Variants in VPS13B observed in about 807,000 individuals in gnomAD.
VPS13B encodes the protein intermembrane lipid transfer protein VPS13B.
VPS13B carries 285 observed loss-of-function variants against 426.4 expected under a neutral mutation model. The observed-to-expected ratio is 0.67, with a 90% CI of 0.61 to 0.74. The LOEUF (loss-of-function observed/expected upper bound fraction) is 0.74, where lower values mean the gene tolerates loss of function less well. VPS13B is among the 30% of genes least tolerant of loss of function. The probability of loss-of-function intolerance (pLI) is 0.00; values close to 1 mark genes in which losing one functional copy is unlikely to be tolerated. For missense variants in VPS13B, 4,537 were observed against 4,782.6 expected (o/e 0.95, Z 1.51); for synonymous variants, 1,676 against 1,676.4 (o/e 1.00, Z 0.01).
intron 39 of VPS13B, among the ~76,000 whole-genome samples, chr8:99,723,959 G>A (rs1454225393): frequency 1.3e-5 from 2 of 152,164 alleles, no homozygotes; most frequent in Non-Finnish European, 2.9e-5. Context: ...TGGCAACGAG[G>A]CTGACTTGAT....
At chr8:99,496,176 A>G (rs1820871113) in intron 25 of VPS13B, among the ~76,000 whole-genome samples, 1 of 152,206 alleles carries the variant, frequency 6.6e-6, no homozygotes, top group African/African-American at 2.4e-5. Flanking sequence ...ATTGGTTTTA[A>G]AGATAAATAA....
chr8:99,162,830 C>T (rs1468759789), intron 15 of VPS13B, among the ~76,000 whole-genome samples: 1 of 152,078 alleles, frequency 6.6e-6, no homozygotes, highest in Non-Finnish European at 1.5e-5. Context: ...AGCGGGTTGC[C>T]AATGCTGGCT....
At chr8:99,502,015 G>C (rs2133611076) in intron 26 of VPS13B, among the ~76,000 whole-genome samples, 157 bp downstream of exon 26, 1 of 148,982 alleles carries the variant, frequency 6.7e-6, no homozygotes, top group Admixed American at 6.9e-5. Context: ...ACAGAGTTTT[G>C]CTCTTGTTGC....
intron 33 of VPS13B, among the ~76,000 whole-genome samples, chr8:99,628,775 GTT>G (rs1300242283): frequency 1.4e-5 from 2 of 143,222 alleles, no homozygotes; most frequent in Admixed American, 7.0e-5. Context: ...CTAGCTATGT[GTT>G]TTTTTTTTTT....
rs191270059 is a variant in VPS13B, at chr8:99,457,278, C to T, written c.3446-10136C>T. Reference sequence around the variant, plus strand: ...AACTCCTGACTACAGATGGTCCGCCCGCTTTGGCCTCCCTAAGTGCTGGGA... The same window carrying T: ...AACTCCTGACTACAGATGGTCCGCCTGCTTTGGCCTCCCTAAGTGCTGGGA... On this transcript the variant is annotated intron_variant, in intron 23 of 61. Coordinates refer to ENST00000357162, the MANE Select transcript of VPS13B (RefSeq NM_152564.5). Among the ~76,000 whole-genome samples, 632 of 152,224 alleles carry T rather than the reference C, an allele frequency of 4.2e-3. 3 individuals carry two copies. Among genetic ancestry groups the T allele is most frequent in the African/African-American group, 0.012 (503 of 41,552 alleles).
chr8:99,380,031 TGGG>T (rs963065171), intron 19 of VPS13B, among the ~76,000 whole-genome samples: 3 of 152,142 alleles, frequency 2.0e-5, no homozygotes, highest in African/African-American at 7.2e-5. Context: ...TTTTTCATAT[TGGG>T]GGAAAATTCT....
intron 2 of VPS13B, 91 bp from the exon 3 acceptor site, chr8:99,038,331 TG>T: frequency 9.3e-7 from 1 of 1,079,748 alleles, no homozygotes; most frequent in Non-Finnish European, 1.3e-6. Flanking sequence ...ATTCTTGTGT[TG>T]GAAATTTTAT....
intron 42 of VPS13B, among the ~76,000 whole-genome samples, chr8:99,782,662 C>T (rs756982439): frequency 7.2e-5 from 11 of 151,850 alleles, no homozygotes; most frequent in African/African-American, 2.2e-4. Context: ...CAGCGTAGTG[C>T]TGGAGGAGCT....
intron 3 of VPS13B, among the ~76,000 whole-genome samples, chr8:99,069,168 C>T (rs1274348906): frequency 1.3e-5 from 2 of 152,134 alleles, no homozygotes; most frequent in Non-Finnish European, 2.9e-5. Flanking sequence ...TATGGTGGCT[C>T]ACTCCTGTAA....
chr8:99,654,419 T>G (rs184372542), intron 34 of VPS13B, among the ~76,000 whole-genome samples: 1 of 152,304 alleles, frequency 6.6e-6, no homozygotes, highest in Admixed American at 6.5e-5. Flanking sequence ...TTATAGAGCC[T>G]TCATGGACTA....
chr8:99,085,445 C>A (rs969757136), intron 3 of VPS13B, among the ~76,000 whole-genome samples: 1 of 152,124 alleles, frequency 6.6e-6, no homozygotes, highest in Admixed American at 6.5e-5. Flanking sequence ...GAGCATTTAG[C>A]CCATTTACAT....
intron 30 of VPS13B, among the ~76,000 whole-genome samples, chr8:99,537,637 C>G (rs1311339908): frequency 6.6e-6 from 1 of 152,144 alleles, no homozygotes. Flanking sequence ...CTCTTTTTAA[C>G]AAGGGACTAC....
rs1178600682 is a variant in VPS13B, at chr8:99,861,777, T to A, written c.11046T>A (p.Gly3682=). 17 of 1,592,734 alleles carry A rather than the reference T, an allele frequency of 1.1e-5. No individual in the cohort carries two copies. Among genetic ancestry groups the A allele is most frequent in the Non-Finnish European group, 1.5e-5 (17 of 1,169,590 alleles). ...AACCCCATGCTCTTGTTCCCTCAGGTACCCTCACATCCATCACCAACCTCG... is the reference window on the plus strand; with the variant it reads ...AACCCCATGCTCTTGTTCCCTCAGGAACCCTCACATCCATCACCAACCTCG... ...TTSFVKHISK[G]TLTSITNLAT... is the part of the protein sequence containing the mutation. Residue 3682 remains glycine, a splice_region_variant and synonymous_variant, in exon 58 of 62, where the codon GGT becomes GGA. Coordinates refer to ENST00000357162, the MANE Select transcript of VPS13B (RefSeq NM_152564.5).
At chr8:99,116,243 A>G (rs1038631242) in intron 7 of VPS13B, among the ~76,000 whole-genome samples, 1 of 151,342 alleles carries the variant, frequency 6.6e-6, no homozygotes, top group African/African-American at 2.4e-5. Context: ...CATGTTGGCC[A>G]GGCTGGTCTC....
At chr8:99,513,476 G>T (rs1262000686) in intron 29 of VPS13B, among the ~76,000 whole-genome samples, 2 of 152,104 alleles carry the variant, frequency 1.3e-5, no homozygotes, top group African/African-American at 2.4e-5. Context: ...AGGCTATAGA[G>T]ACAGAAAAGG....
At chr8:99,510,643 T>C (rs1300401738) in intron 28 of VPS13B, among the ~76,000 whole-genome samples, 3 of 152,120 alleles carry the variant, frequency 2.0e-5, no homozygotes, top group Non-Finnish European at 4.4e-5. Context: ...ACTGGGATTA[T>C]AGGCATGTAC....
chr8:99,278,397 A>G (rs1255696911), intron 19 of VPS13B, among the ~76,000 whole-genome samples: 2 of 152,248 alleles, frequency 1.3e-5, no homozygotes, highest in South Asian at 4.1e-4. Context: ...TATTAATGGT[A>G]TTAGTAAAAC....
In VPS13B at chr8:99,575,669, A is replaced by G. The variant is rs1370041656; in HGVS notation, c.4961A>G (p.His1654Arg). 1 of 1,613,944 alleles carries G rather than the reference A, an allele frequency of 6.2e-7. No homozygotes were observed. The highest frequency in any genetic ancestry group is 8.5e-7 in the Non-Finnish European group (1 of 1,179,912). Residue 1654 changes from histidine to arginine, a missense_variant, in exon 32 of 62, where the codon CAT (histidine) becomes CGT (arginine). By Grantham distance (29) the His-to-Arg change is conservative. Transcript: ENST00000357162. ...ACTCTATCTTTTAGCATACGGCGGC[A>G]TCAAGAAAGGAGAGCAATTTTGACC... ...EWNMASSIRR[H>R]QERRAILTPV...
At chr8:99,155,787 C>T (rs11996944) in intron 14 of VPS13B, among the ~76,000 whole-genome samples, 12,397 of 152,130 alleles carry the variant, frequency 0.081, 841 homozygotes, top group African/African-American at 0.18. Flanking sequence ...ACAGACAAAG[C>T]AATGAAACTG....
Sources: gnomAD v4.1 joint callset for allele counts (sites outside exome capture counted in the v4.1 genomes callset) on GRCh38, gnomAD v4.1.1 for gene constraint, MANE v1.5 for transcripts, NCBI Gene and HGNC (gene_info 2026-07-23, HGNC 2026-07-21) for gene names.